Variants in VPS50 observed in about 807,000 individuals in gnomAD.
VPS50 encodes the protein VPS50 subunit of EARP/GARPII complex, also known as syndetin.
Under a neutral mutation model 139.7 loss-of-function variants are expected in VPS50, and 70 were observed. The observed-to-expected ratio is 0.50, with a 90% confidence interval of 0.41 to 0.61. VPS50 has a LOEUF of 0.61. Among genes scored for constraint, VPS50 ranks in the 20% least tolerant of loss-of-function variants. The probability of loss-of-function intolerance (pLI) is 0.00; values close to 1 mark genes in which losing one functional copy is unlikely to be tolerated. For synonymous variants in VPS50, 365 were observed against 376.7 expected, an observed-to-expected ratio of 0.97 and a Z score of 0.36; for missense variants, 921 against 1,133.7, an observed-to-expected ratio of 0.81 and a Z score of 2.69.
intron 4 of VPS50, 136 bp from the exon 5 acceptor site, chr7:93,256,373 A>G (rs1443748042): frequency 1.6e-5 from 8 of 485,498 alleles, no homozygotes; most frequent in Non-Finnish European, 2.5e-5. Context: ...GTGTATGGCC[A>G]TAGTATGCCA....
intron 2 of VPS50, among the ~76,000 whole-genome samples, chr7:93,252,363 C>T (rs1234064002): frequency 1.3e-5 from 2 of 151,822 alleles, no homozygotes; most frequent in Admixed American, 1.3e-4. Context: ...TAGGTAGTCA[C>T]TTTTTTTTCT....
At chr7:93,335,558 G>C (rs866570874) in intron 22 of VPS50, among the ~76,000 whole-genome samples, 4 of 151,564 alleles carry the variant, frequency 2.6e-5, no homozygotes, top group South Asian at 2.1e-4. Flanking sequence ...CTCCTTATTT[G>C]ATCCACCCTT....
intron 24 of VPS50, 28 bp downstream of exon 24, chr7:93,348,835 A>G: frequency 7.1e-7 from 1 of 1,409,664 alleles, no homozygotes; most frequent in East Asian, 2.3e-5. Context: ...ATGTCATTTC[A>G]ACTGTGAGGA....
chr7:93,348,576 T>C, intron 23 of VPS50, 135 bp from the exon 24 acceptor site: 1 of 610,842 alleles, frequency 1.6e-6, no homozygotes, highest in African/African-American at 1.8e-5. Flanking sequence ...TAGTACAGGT[T>C]CGTCCACTAA....
At chr7:93,258,639 C>G (rs1486103747) in intron 8 of VPS50, among the ~76,000 whole-genome samples, 1 of 151,932 alleles carries the variant, frequency 6.6e-6, no homozygotes, top group Non-Finnish European at 1.5e-5. Context: ...GGAATGTTAA[C>G]TTGTTTGTAT....
chr7:93,271,956 T>A (rs1197822850), intron 10 of VPS50, among the ~76,000 whole-genome samples: 1 of 151,822 alleles, frequency 6.6e-6, no homozygotes, highest in Non-Finnish European at 1.5e-5. Context: ...TATTTGCTAT[T>A]AAATAATTGT....
intron 27 of VPS50, 84 bp downstream of exon 27, chr7:93,356,164 C>A (rs375734724): frequency 1.5e-6 from 1 of 649,354 alleles, no homozygotes; most frequent in East Asian, 2.9e-5. Context: ...AATTCAAAAT[C>A]ATGAGAGTGA....
chr7:93,239,967 A>G (rs2116774599), intron 2 of VPS50, 33 bp downstream of exon 2: 2 of 1,280,828 alleles, frequency 1.6e-6, no homozygotes, highest in South Asian at 1.2e-5. Flanking sequence ...GTGACTTTTT[A>G]CTTCCTTAAG....
Position 93,308,958 on chromosome 7 carries a change from T to C in VPS50, c.1748+16T>C, listed in dbSNP as rs1797191139. On this transcript the variant is annotated intron_variant, in intron 19 of 27. Coordinates refer to ENST00000305866, the MANE Select transcript of VPS50 (RefSeq NM_017667.4). ...CTGTGAAAAGGTGATTGTTCTTAAATTGTGTGGTATTTAGCATTTTATCTT... is the reference window on the plus strand; with the variant it reads ...CTGTGAAAAGGTGATTGTTCTTAAACTGTGTGGTATTTAGCATTTTATCTT... The C allele has an allele frequency of 7.8e-7, 1 of 1,285,982 alleles. No homozygotes were observed. Among genetic ancestry groups the C allele is most frequent in the Non-Finnish European group, 1.1e-6 (1 of 883,624 alleles). 79.7% of individuals were successfully genotyped at this position (1,285,982 alleles called of 1,614,324 possible).
chr7:93,338,294 G>A (rs1234815258), intron 22 of VPS50, among the ~76,000 whole-genome samples: 1 of 152,166 alleles, frequency 6.6e-6, no homozygotes, highest in African/African-American at 2.4e-5. Context: ...GGTCCCCGGA[G>A]TGGAGGAGGC....
chr7:93,233,113 T>C (rs1450915665), intron 1 of VPS50, among the ~76,000 whole-genome samples: 2 of 152,244 alleles, frequency 1.3e-5, no homozygotes, highest in Non-Finnish European at 2.9e-5. Context: ...AAAATACTGA[T>C]CTTTTCTTTT....
intron 20 of VPS50, among the ~76,000 whole-genome samples, chr7:93,314,817 C>T (rs984436605): frequency 1.3e-5 from 2 of 152,072 alleles, no homozygotes; most frequent in African/African-American, 4.8e-5. Flanking sequence ...AAGAGATCCA[C>T]TCCTTCATTA....
At chr7:93,232,829 T>A (rs558493112) in intron 1 of VPS50, among the ~76,000 whole-genome samples, 1 of 152,302 alleles carries the variant, frequency 6.6e-6, no homozygotes, top group East Asian at 1.9e-4. Context: ...ATCCAGGCTG[T>A]CTGTCATATG....
At chr7:93,243,988 G>GT (rs1795074561) in intron 2 of VPS50, among the ~76,000 whole-genome samples, 4 of 151,546 alleles carry the variant, frequency 2.6e-5, no homozygotes, top group Non-Finnish European at 5.9e-5. Flanking sequence ...ATGATAAGGG[G>GT]GTTTTTTTGG....
intron 21 of VPS50, among the ~76,000 whole-genome samples, chr7:93,332,712 CA>C (rs905009827): frequency 1.3e-5 from 2 of 152,066 alleles, no homozygotes; most frequent in Non-Finnish European, 2.9e-5. Flanking sequence ...AACTGGAACC[CA>C]AATGTTAATT....
intron 20 of VPS50, among the ~76,000 whole-genome samples, chr7:93,312,857 C>T (rs918242588): frequency 6.6e-6 from 1 of 152,102 alleles, no homozygotes; most frequent in African/African-American, 2.4e-5. Flanking sequence ...AAATTCAGAC[C>T]TTTCAGAATC....
At chr7:93,294,288 T>G (rs1055510241) in intron 13 of VPS50, among the ~76,000 whole-genome samples, 1 of 151,850 alleles carries the variant, frequency 6.6e-6, no homozygotes, top group Non-Finnish European at 1.5e-5. Context: ...CTGACTCAGG[T>G]AGAATCCCAA....
In VPS50 at chr7:93,239,861, T is replaced by G. The variant is rs761031486; in HGVS notation, c.34-5T>G. 1.9e-6 allele frequency: 3 copies of G among 1,570,728 alleles called. No individual in the cohort carries two copies. The highest frequency in any genetic ancestry group is 1.8e-6 in the Non-Finnish European group (2 of 1,141,656). ...AAATTTTCCTCATCTTATTATTTTT[T>G]TAAGGGTCTGAAAAGCCCTCAAGAA... On this transcript the variant is annotated splice_polypyrimidine_tract_variant and splice_region_variant and intron_variant, in intron 1 of 27. Coordinates refer to ENST00000305866, the MANE Select transcript of VPS50 (RefSeq NM_017667.4).
intron 2 of VPS50, chr7:93,246,141 G>A (rs969904154): frequency 5.5e-6 from 8 of 1,459,532 alleles, no homozygotes; most frequent in Non-Finnish European, 6.5e-6. Flanking sequence ...TAAGATTATA[G>A]CTTCCGTTTT....
Sources: gnomAD v4.1 joint callset for allele counts (sites outside exome capture counted in the v4.1 genomes callset) on GRCh38, gnomAD v4.1.1 for gene constraint, MANE v1.5 for transcripts, NCBI Gene and HGNC (gene_info 2026-07-23, HGNC 2026-07-21) for gene names.